The following PIWIL1 variants were observed in gnomAD, a reference collection of about 807,000 sequenced individuals.
The protein encoded by PIWIL1 is piwi like RNA-mediated gene silencing 1.
Under a neutral mutation model 114.4 loss-of-function variants are expected in PIWIL1, and 73 were observed. The observed-to-expected ratio is 0.64, with a 90% confidence interval of 0.53 to 0.78. The LOEUF (loss-of-function observed/expected upper bound fraction) is 0.78. PIWIL1 is among the 30% of genes least tolerant of loss of function. PIWIL1 has a pLI of 0.00. For synonymous variants in PIWIL1, 375 were observed against 369.0 expected, an observed-to-expected ratio of 1.02 and a Z score of -0.19; for missense variants, 723 against 1,063.1, an observed-to-expected ratio of 0.68 and a Z score of 4.45.
the PIWIL1 span, among the ~76,000 whole-genome samples, chr12:130,410,419 G>A: frequency 6.6e-6 from 1 of 152,068 alleles, no homozygotes; most frequent in African/African-American, 2.4e-5. Context: ...ATGTTTTAAT[G>A]TCCTGTCAAA....
At chr12:130,377,995 G>C in the PIWIL1 span, among the ~76,000 whole-genome samples, 3 of 152,190 alleles carry the variant, frequency 2.0e-5, no homozygotes, top group African/African-American at 7.2e-5. Context: ...ACATGCCATT[G>C]CTTCTGATTT....
chr12:130,391,355 T>G, the PIWIL1 span, among the ~76,000 whole-genome samples: 1 of 152,190 alleles, frequency 6.6e-6, no homozygotes, highest in South Asian at 2.1e-4. Flanking sequence ...GTGTGGAGAT[T>G]ACGCCCCAAA....
the PIWIL1 span, chr12:130,424,799 G>C: frequency 4.9e-6 from 6 of 1,232,670 alleles, no homozygotes; most frequent in Admixed American, 1.3e-4. The surrounding 1 kb of genome is among the most constrained non-coding windows in gnomAD (Gnocchi z 9.8). Context: ...TGTGGGGCTG[G>C]TGGGGAAACT....
chr12:130,357,239 A>T, intron 13 of PIWIL1, 134 bp downstream of exon 13: 1 of 764,374 alleles, frequency 1.3e-6, no homozygotes, highest in Non-Finnish European at 2.1e-6. Flanking sequence ...AGATAAACAG[A>T]AACATATTTT....
chr12:130,354,738 C>G (rs762136772), intron 10 of PIWIL1, 75 bp downstream of exon 10: 65 of 1,509,994 alleles, frequency 4.3e-5, no homozygotes, highest in Non-Finnish European at 5.5e-5. Flanking sequence ...CTCAGACATT[C>G]CTTTACTTCC....
the PIWIL1 span, among the ~76,000 whole-genome samples, chr12:130,391,939 C>A: frequency 6.8e-6 from 1 of 146,954 alleles, no homozygotes; most frequent in Non-Finnish European, 1.5e-5. Context: ...TGTGATGACC[C>A]GGTCACTGTC....
the PIWIL1 span, among the ~76,000 whole-genome samples, chr12:130,379,135 T>C: frequency 6.6e-6 from 1 of 152,270 alleles, no homozygotes; most frequent in Non-Finnish European, 1.5e-5. Context: ...AAAAAGTATC[T>C]TCCTTAGCTG....
the PIWIL1 span, among the ~76,000 whole-genome samples, chr12:130,416,813 G>T: frequency 3.3e-5 from 5 of 152,106 alleles, no homozygotes; most frequent in South Asian, 2.1e-4. Context: ...TTTGCAAATT[G>T]TGCATCTGAC....
the PIWIL1 span, among the ~76,000 whole-genome samples, chr12:130,381,068 A>AGTG: frequency 2.8e-4 from 43 of 152,166 alleles, no homozygotes; most frequent in African/African-American, 9.4e-4. Flanking sequence ...CACCCCCCAG[A>AGTG]GTGGTTCCCT....
chr12:130,384,071 C>T, the PIWIL1 span, among the ~76,000 whole-genome samples: 1 of 152,202 alleles, frequency 6.6e-6, no homozygotes, highest in Admixed American at 6.5e-5. Context: ...TGTTCCTCCA[C>T]TGCTAGAAAT....
chr12:130,404,586 A>G, the PIWIL1 span, among the ~76,000 whole-genome samples: 1 of 152,204 alleles, frequency 6.6e-6, no homozygotes, highest in African/African-American at 2.4e-5. Context: ...CGGCCGTTGG[A>G]TCTATATAGT....
chr12:130,370,745 G>A (rs564186273), intron 19 of PIWIL1, among the ~76,000 whole-genome samples: 13 of 152,260 alleles, frequency 8.5e-5, no homozygotes, highest in African/African-American at 2.6e-4. Context: ...AAAAGATTCC[G>A]TGGTAAAAGC....
chr12:130,424,545 A>C, the PIWIL1 span: 4 of 1,231,946 alleles, frequency 3.2e-6, no homozygotes, highest in Non-Finnish European at 4.0e-6. This position sits in a 1 kb window ranked among gnomAD's most constrained non-coding sequence, Gnocchi z 9.8. Flanking sequence ...CGAGCGGCTG[A>C]ACCGACAGCC....
chr12:130,403,322 C>T, the PIWIL1 span, among the ~76,000 whole-genome samples: 2 of 152,080 alleles, frequency 1.3e-5, no homozygotes, highest in Non-Finnish European at 2.9e-5. Context: ...AAGAAGCATA[C>T]GTTTCATATT....
At chr12:130,356,511 G>A (rs1372015320) in intron 12 of PIWIL1, among the ~76,000 whole-genome samples, 2 of 148,086 alleles carry the variant, frequency 1.4e-5, no homozygotes, top group Admixed American at 1.3e-4. Context: ...CTTGCTGTCA[G>A]ATGTTTTTGT....
chr12:130,404,357 G>T, the PIWIL1 span, among the ~76,000 whole-genome samples: 1 of 152,166 alleles, frequency 6.6e-6, no homozygotes, highest in African/African-American at 2.4e-5. Context: ...GAGTGCAATG[G>T]CATGATCTCA....
rs773407922 is a variant in PIWIL1, at chr12:130,371,468, T to A, written c.2470-14T>A. The A allele has an allele frequency of 6.2e-7, 1 of 1,612,680 alleles. No individual in the cohort carries two copies. Among genetic ancestry groups the A allele is most frequent in the Non-Finnish European group, 8.5e-7 (1 of 1,178,764 alleles). On this transcript the variant is annotated splice_polypyrimidine_tract_variant and intron_variant, in intron 20 of 20. Transcript: ENST00000245255. ...AGTCTAGAGTAATAGAACCTTTTTT[T>A]CCTTCCACTAAAGGGTGTCATTCGT...
At chr12:130,397,957 G>T in the PIWIL1 span, 16 of 153,944 alleles carry the variant, frequency 1.0e-4, no homozygotes, top group African/African-American at 3.4e-4. Flanking sequence ...AAACTATTTG[G>T]TTATATAAAA....
At chr12:130,412,635 T>C in the PIWIL1 span, 1 of 1,613,948 alleles carries the variant, frequency 6.2e-7, no homozygotes, top group Non-Finnish European at 8.5e-7. Flanking sequence ...TCTCCACAGG[T>C]GTATTCAGAG....
Sources: gnomAD v4.1 joint callset for allele counts (sites outside exome capture counted in the v4.1 genomes callset) on GRCh38, gnomAD v4.1.1 for gene constraint, Gnocchi (gnomAD v3.1) non-coding constraint, MANE v1.5 for transcripts, NCBI Gene and HGNC (gene_info 2026-07-23, HGNC 2026-07-21) for gene names.